CTNNA3: variants seen among roughly 807,000 people sequenced by gnomAD.
The protein encoded by CTNNA3 is catenin alpha-3.
A neutral mutation model predicts 95.7 loss-of-function variants in CTNNA3; 76 were observed. The observed-to-expected ratio is 0.79, with a 90% CI of 0.66 to 0.96. The LOEUF (loss-of-function observed/expected upper bound fraction) is 0.96, where lower values mean the gene tolerates loss of function less well. CTNNA3 is among the 40% of genes least tolerant of loss of function. CTNNA3 has a pLI of 0.00. For synonymous variants in CTNNA3, 431 were observed against 374.4 expected (o/e 1.15, Z -1.74); for missense variants, 1,191 against 1,089.8 (o/e 1.09, Z -1.31).
intron 1 of CTNNA3, among the ~76,000 whole-genome samples, chr10:67,684,482 C>T (rs112336146): frequency 0.035 from 5,406 of 152,284 alleles, 100 homozygotes; most frequent in Middle Eastern, 0.085. Context: ...CAAGTCCCCA[C>T]CCAACCCAGA....
At chr10:67,369,155 C>G (rs1185400706) in intron 5 of CTNNA3, among the ~76,000 whole-genome samples, 1 of 151,880 alleles carries the variant, frequency 6.6e-6, no homozygotes, top group Admixed American at 6.6e-5. Flanking sequence ...ATTTTTAAAG[C>G]CTTGGTAATT....
At chr10:66,752,052 T>C (rs1217138348) in intron 9 of CTNNA3, among the ~76,000 whole-genome samples, 1 of 152,174 alleles carries the variant, frequency 6.6e-6, no homozygotes, top group Non-Finnish European at 1.5e-5. Flanking sequence ...TTCAATATGA[T>C]TTCTATCTTA....
At chr10:67,415,877 A>G (rs1026170485) in intron 5 of CTNNA3, among the ~76,000 whole-genome samples, 3 of 152,194 alleles carry the variant, frequency 2.0e-5, no homozygotes, top group African/African-American at 7.2e-5. Flanking sequence ...AACAAGGCTG[A>G]CAAAAATAAG....
intron 17 of CTNNA3, among the ~76,000 whole-genome samples, chr10:65,950,295 A>G (rs542099866): frequency 6.6e-6 from 1 of 152,298 alleles, no homozygotes; most frequent in East Asian, 1.9e-4. Flanking sequence ...TCATCCATAC[A>G]GTCTTGTGCC....
At chr10:66,583,951 G>A (rs912517371) in intron 10 of CTNNA3, among the ~76,000 whole-genome samples, 1 of 151,752 alleles carries the variant, frequency 6.6e-6, no homozygotes, top group Non-Finnish European at 1.5e-5. Flanking sequence ...AAATCATTCA[G>A]GAGTAGATTG....
chr10:67,503,682 T>G (rs926856835), intron 5 of CTNNA3, among the ~76,000 whole-genome samples: 1 of 152,168 alleles, frequency 6.6e-6, no homozygotes, highest in African/African-American at 2.4e-5. Flanking sequence ...AAAAGACCTT[T>G]AAAATGTAGG....
intron 7 of CTNNA3, among the ~76,000 whole-genome samples, chr10:66,923,331 G>T (rs1846888684): frequency 6.6e-6 from 1 of 152,206 alleles, no homozygotes. Flanking sequence ...GGGAAGTAAA[G>T]TATGATGAGC....
chr10:66,767,615 TG>T (rs199928667), intron 8 of CTNNA3, among the ~76,000 whole-genome samples: 1,523 of 152,258 alleles, frequency 0.01, 27 homozygotes, highest in African/African-American at 0.034. Context: ...GTAATTTTTC[TG>T]TCAAAGTTAC....
chr10:66,000,516 T>G (rs1380373070), intron 15 of CTNNA3, among the ~76,000 whole-genome samples: 3 of 152,194 alleles, frequency 2.0e-5, no homozygotes, highest in Non-Finnish European at 4.4e-5. Flanking sequence ...AGTTTAATTA[T>G]ATTATTTATA....
At chr10:66,056,479 G>A (rs1328514007) in intron 15 of CTNNA3, among the ~76,000 whole-genome samples, 2 of 152,010 alleles carry the variant, frequency 1.3e-5, no homozygotes, top group Admixed American at 6.6e-5. Flanking sequence ...AGAGGTATTG[G>A]CCTGTCATTT....
chr10:67,408,928 A>G (rs111804184), intron 5 of CTNNA3, among the ~76,000 whole-genome samples: 1,904 of 151,304 alleles, frequency 0.013, 32 homozygotes, highest in African/African-American at 0.038. Context: ...AAAGGACTGA[A>G]CAGACACTTC....
chr10:66,656,289 C>A (rs1184683845), intron 9 of CTNNA3, among the ~76,000 whole-genome samples: 1 of 152,048 alleles, frequency 6.6e-6, no homozygotes, highest in African/African-American at 2.4e-5. Flanking sequence ...ACGATTGCTT[C>A]AATACTTAAG....
In CTNNA3 at chr10:66,520,245, C is replaced by CTTTTT. The variant is rs543882241; in HGVS notation, c.1531+367_1531+371dup. Among the ~76,000 whole-genome samples, 290 of 78,054 alleles carry CTTTTT rather than the reference C, an allele frequency of 3.7e-3. 13 individuals carry two copies. The highest frequency in any genetic ancestry group is 5.2e-3 in the Non-Finnish European group (230 of 44,336). 51.2% of individuals were successfully genotyped at this position (78,054 alleles called of 152,430 possible). A position where few individuals can be genotyped will look rare whatever the true frequency, so the allele number is the denominator to read the frequency against. On this transcript the variant is annotated intron_variant, in intron 11 of 17. Coordinates refer to ENST00000433211, the MANE Select transcript of CTNNA3 (RefSeq NM_013266.4). ...AAAATTAATCTTATTTAGTATTATT[C>CTTTTT]TTTTTTTTTTTTTTTTTTTTTTTTG...
At chr10:66,452,957 T>C (rs1290842147) in intron 11 of CTNNA3, among the ~76,000 whole-genome samples, 1 of 152,142 alleles carries the variant, frequency 6.6e-6, no homozygotes, top group Non-Finnish European at 1.5e-5. Context: ...GGCTCATGCC[T>C]GTAATCCCAA....
chr10:67,689,906 C>T (rs980441635), intron 1 of CTNNA3, among the ~76,000 whole-genome samples: 3 of 152,112 alleles, frequency 2.0e-5, no homozygotes, highest in Admixed American at 2.0e-4. Flanking sequence ...GAATAGCAAG[C>T]AAAAGGGGTC....
intron 7 of CTNNA3, among the ~76,000 whole-genome samples, chr10:67,000,823 TA>T (rs1210828313): frequency 2.0e-5 from 3 of 152,146 alleles, no homozygotes; most frequent in Non-Finnish European, 4.4e-5. Context: ...TGCAATTCTG[TA>T]AAAGCTAAGG....
At chr10:66,424,086 A>G (rs61867161) in intron 11 of CTNNA3, among the ~76,000 whole-genome samples, 40,217 of 151,848 alleles carry the variant, frequency 0.26, 5,485 homozygotes, top group South Asian at 0.39. Context: ...TAAATTTTCC[A>G]GTTTATTGAA....
At chr10:65,953,945 C>G (rs1265501995) in intron 17 of CTNNA3, among the ~76,000 whole-genome samples, 1 of 152,148 alleles carries the variant, frequency 6.6e-6, no homozygotes, top group Non-Finnish European at 1.5e-5. Context: ...GTTCTAGATC[C>G]TTGAGGAATC....
intron 3 of CTNNA3, among the ~76,000 whole-genome samples, chr10:67,541,606 T>G (rs1840686818): frequency 6.6e-6 from 1 of 152,074 alleles, no homozygotes; most frequent in South Asian, 2.1e-4. Context: ...AAATATGACT[T>G]ATCTCATAGT....
Sources: gnomAD v4.1 joint callset for allele counts (sites outside exome capture counted in the v4.1 genomes callset) on GRCh38, gnomAD v4.1.1 for gene constraint, MANE v1.5 for transcripts, NCBI Gene and HGNC (gene_info 2026-07-23, HGNC 2026-07-21) for gene names.